The following EYS variants were observed in gnomAD, a reference collection of about 807,000 sequenced individuals.
The protein encoded by EYS is EGF-like photoreceptor maintenance factor, also known as protein eyes shut homolog.
Under a neutral mutation model 282.1 loss-of-function variants are expected in EYS, and 250 were observed. The ratio of observed to expected loss-of-function variants is 0.89; its 90% CI spans 0.80 to 0.98. The LOEUF is 0.98. Ranked by LOEUF, EYS falls within the 50% of genes least tolerant of loss-of-function variation. The pLI is 0.00. For synonymous variants in EYS, 1,355 were observed against 1,282.9 expected, an observed-to-expected ratio of 1.06 and a Z score of -1.20; for missense variants, 4,016 against 3,709.0, an observed-to-expected ratio of 1.08 and a Z score of -2.15.
chr6:64,896,911 T>G (rs1178705199), intron 18 of EYS, among the ~76,000 whole-genome samples: 2 of 151,958 alleles, frequency 1.3e-5, no homozygotes, highest in Non-Finnish European at 1.5e-5. Flanking sequence ...TCTAGATACC[T>G]CCTCTCTGGG....
At chr6:64,599,486 A>G (rs1766697004) in intron 24 of EYS, among the ~76,000 whole-genome samples, 1 of 152,222 alleles carries the variant, frequency 6.6e-6, no homozygotes, top group South Asian at 2.1e-4. Flanking sequence ...AATAAAAATT[A>G]AAGAAGACAA....
chr6:63,733,412 G>A (rs1165208337), intron 41 of EYS, among the ~76,000 whole-genome samples: 1 of 152,070 alleles, frequency 6.6e-6, no homozygotes, highest in Non-Finnish European at 1.5e-5. Context: ...TACCCAATAG[G>A]TAGTTTTTCA....
Position 65,299,070 on chromosome 6 carries a change from T to C in EYS, c.1767-2951A>G, listed in dbSNP as rs191591529. Among the ~76,000 whole-genome samples, 107 of 152,246 alleles carry C rather than the reference T, an allele frequency of 7.0e-4. 1 individual carries two copies. The highest frequency in any genetic ancestry group is 1.2e-3 in the Admixed American group (18 of 15,286). ...AAGGAAATCAAGTGTTTAATTTTAA[T>C]AGTTCTTATCAAAGCCCTCTCTATA... On this transcript the variant is annotated intron_variant, in intron 11 of 42. Coordinates refer to ENST00000503581, the MANE Select transcript of EYS (RefSeq NM_001142800.2).
chr6:65,027,020 G>GTT (rs1172171512), intron 13 of EYS, among the ~76,000 whole-genome samples: 1 of 129,648 alleles, frequency 7.7e-6, no homozygotes, highest in Non-Finnish European at 1.6e-5. Context: ...TTTGTAATGT[G>GTT]TGTTTTTTTT....
chr6:64,889,934 A>G (rs1480892940), intron 18 of EYS, among the ~76,000 whole-genome samples: 2 of 151,984 alleles, frequency 1.3e-5, no homozygotes, highest in South Asian at 4.1e-4. Context: ...GAACGGAGCC[A>G]TATTTCTCTT....
intron 30 of EYS, among the ~76,000 whole-genome samples, chr6:64,231,296 AT>A (rs928667269): frequency 3.5e-4 from 53 of 150,042 alleles, no homozygotes; most frequent in Non-Finnish European, 5.4e-4. Flanking sequence ...ATATTCCCTA[AT>A]TTTTTTTTTA....
intron 28 of EYS, among the ~76,000 whole-genome samples, chr6:64,419,542 T>C (rs1156351005): frequency 1.3e-5 from 2 of 152,144 alleles, no homozygotes. Context: ...GCCTATAAAA[T>C]CAAAAGAAAG....
chr6:64,811,173 T>A (rs941702093), intron 22 of EYS, among the ~76,000 whole-genome samples: 1 of 152,178 alleles, frequency 6.6e-6, no homozygotes, highest in African/African-American at 2.4e-5. Context: ...TGGCACCAGC[T>A]CTGACTTCTC....
chr6:64,403,894 C>T (rs1055823158), intron 28 of EYS, among the ~76,000 whole-genome samples: 7 of 152,220 alleles, frequency 4.6e-5, no homozygotes, highest in South Asian at 4.1e-4. Context: ...CTCTGAGAAA[C>T]TGGATTTTTT....
At chr6:65,168,334 T>C (rs1765024060) in intron 12 of EYS, among the ~76,000 whole-genome samples, 1 of 151,258 alleles carries the variant, frequency 6.6e-6, no homozygotes, top group African/African-American at 2.4e-5. Flanking sequence ...TCTTAGTCGA[T>C]TTAGGGCTGC....
intron 12 of EYS, among the ~76,000 whole-genome samples, chr6:65,066,472 T>A (rs763492466): frequency 6.6e-6 from 1 of 152,184 alleles, no homozygotes; most frequent in Non-Finnish European, 1.5e-5. Context: ...AAATGAATAC[T>A]TTTTTGTATA....
At chr6:65,560,458 G>A (rs1438755095) in intron 2 of EYS, among the ~76,000 whole-genome samples, 1 of 147,132 alleles carries the variant, frequency 6.8e-6, no homozygotes, top group Non-Finnish European at 1.5e-5. Flanking sequence ...ACAAATAAAG[G>A]TGTTAGACTG....
At chr6:64,440,819 TA>T (rs560463587) in intron 26 of EYS, among the ~76,000 whole-genome samples, 7 of 151,896 alleles carry the variant, frequency 4.6e-5, no homozygotes, top group East Asian at 3.9e-4. Flanking sequence ...TTGATGAAAT[TA>T]AAAAAAATTA....
chr6:64,599,241 G>C (rs893648765), intron 24 of EYS, among the ~76,000 whole-genome samples: 9 of 152,168 alleles, frequency 5.9e-5, no homozygotes, highest in African/African-American at 2.2e-4. Flanking sequence ...ATGGAGCTTG[G>C]ATTCGGGGGA....
At position 65,400,408 on chromosome 6, in the gene EYS, A is replaced by G. The variant is rs555125856; in HGVS notation, c.1184+2070T>C. Among the ~76,000 whole-genome samples, 14 of 152,022 alleles carry G rather than the reference A, an allele frequency of 9.2e-5. No individual in the cohort carries two copies. In the South Asian group the frequency reaches 2.7e-3, roughly 29 times the overall value. Reference sequence around the variant, plus strand: ...ATCTGTCTGATACCTCCAAGACATCAATTATTCCTTTTCCTTTCCTATCAG... The same window carrying G: ...ATCTGTCTGATACCTCCAAGACATCGATTATTCCTTTTCCTTTCCTATCAG... On this transcript the variant is annotated intron_variant, in intron 7 of 42. Coordinates refer to ENST00000503581, the MANE Select transcript of EYS (RefSeq NM_001142800.2).
intron 4 of EYS, among the ~76,000 whole-genome samples, chr6:65,492,843 T>C (rs762395531): frequency 2.4e-4 from 36 of 152,336 alleles, no homozygotes; most frequent in African/African-American, 8.4e-4. Flanking sequence ...TCAAAATGAC[T>C]ATTTGAAAGA....
At chr6:64,936,078 C>A (rs981914689) in intron 15 of EYS, among the ~76,000 whole-genome samples, 52 of 151,494 alleles carry the variant, frequency 3.4e-4, no homozygotes, top group African/African-American at 1.2e-3. Context: ...GCAACATATA[C>A]AAAGAAATAT....
chr6:65,409,002 A>G (rs1002303717), intron 5 of EYS, among the ~76,000 whole-genome samples: 5 of 152,214 alleles, frequency 3.3e-5, no homozygotes, highest in African/African-American at 1.2e-4. Context: ...TAATTTCCAG[A>G]TATGTGAAGA....
chr6:65,658,914 CT>C (rs75563797), intron 1 of EYS, among the ~76,000 whole-genome samples: 3 of 150,692 alleles, frequency 2.0e-5, no homozygotes, highest in Non-Finnish European at 4.5e-5. Flanking sequence ...ATCTTTAAAC[CT>C]TTTTTTTCTT....
Sources: gnomAD v4.1 joint callset for allele counts (sites outside exome capture counted in the v4.1 genomes callset) on GRCh38, gnomAD v4.1.1 for gene constraint, MANE v1.5 for transcripts, NCBI Gene and HGNC (gene_info 2026-07-23, HGNC 2026-07-21) for gene names.